The following SGTA variants were observed in gnomAD, a reference collection of about 807,000 sequenced individuals.
SGTA encodes small glutamine rich tetratricopeptide repeat co-chaperone alpha.
In SGTA, 22 loss-of-function variants were observed where a neutral mutation model predicts 44.3. That is an observed-to-expected ratio of 0.50 (90% CI 0.36 to 0.71). The LOEUF (loss-of-function observed/expected upper bound fraction) is 0.71. SGTA is among the 30% of genes least tolerant of loss of function. SGTA has a pLI of 0.00. For missense variants in SGTA, 341 were observed against 435.9 expected, an observed-to-expected ratio of 0.78 and a Z score of 1.94; for synonymous variants, 174 against 177.6, an observed-to-expected ratio of 0.98 and a Z score of 0.16.
chr19:2,767,680 A>G lies in SGTA; in HGVS notation c.107T>C (p.Ile36Thr). The G allele has an allele frequency of 1.2e-6, 2 of 1,613,224 alleles. No homozygotes were observed. Among genetic ancestry groups the G allele is most frequent in the Non-Finnish European group, 1.7e-6 (2 of 1,179,516 alleles). The change falls in exon 3 of 12, where the codon ATC (isoleucine) becomes ACC (threonine). Residue 36 changes from isoleucine (I) to threonine (T), a missense_variant. Coordinates refer to ENST00000221566, the MANE Select transcript of SGTA (RefSeq NM_003021.4). The surrounding 1 kb of genome is among the most constrained non-coding windows in gnomAD (Gnocchi z 7.3). Reference sequence around the variant, plus strand: ...CCCAAACGCAGTCTCCAGGCACTGGATGGCGACTGAAGCGGGGACAGAGGC... The same window carrying G: ...CCCAAACGCAGTCTCCAGGCACTGGGTGGCGACTGAAGCGGGGACAGAGGC... Reference protein sequence around the residue: ...SDAQESLEVAIQCLETAFGVT... With the variant: ...SDAQESLEVATQCLETAFGVT...
In SGTA at chr19:2,755,610, C is replaced by A; in HGVS notation, c.*330G>T. 1 of 985,554 alleles carries A rather than the reference C, an allele frequency of 1.0e-6. No homozygotes were observed. The highest frequency in any genetic ancestry group is 4.7e-5 in the South Asian group (1 of 21,296). The allele number at this position is 985,554 out of a possible 1,614,324, so 61.1% of individuals were successfully genotyped here. ...GCCACACGGCTGAACGTGAAACCTGCCACTTCTCTGAGAGCGGCCCGGGAG... is the reference window on the plus strand; with the variant it reads ...GCCACACGGCTGAACGTGAAACCTGACACTTCTCTGAGAGCGGCCCGGGAG... On this transcript the variant is annotated 3_prime_UTR_variant, in exon 12 of 12. Coordinates refer to ENST00000221566, the MANE Select transcript of SGTA (RefSeq NM_003021.4). This position sits in a 1 kb window ranked among gnomAD's most constrained non-coding sequence, Gnocchi z 5.2.
chr19:2,771,434 AT>A (rs1317389586), intron 1 of SGTA, among the ~76,000 whole-genome samples: 2 of 152,084 alleles, frequency 1.3e-5, no homozygotes, highest in African/African-American at 4.8e-5. Context: ...AAAAAAAAAA[AT>A]CATGATTCCT....
chr19:2,781,044 C>A (rs2144745496), intron 1 of SGTA, among the ~76,000 whole-genome samples: 1 of 152,344 alleles, frequency 6.6e-6, no homozygotes, highest in East Asian at 1.9e-4. Flanking sequence ...GATTGTGCCA[C>A]TGCACTCCAG....
chr19:2,775,614 T>G (rs1209064345), intron 1 of SGTA, among the ~76,000 whole-genome samples: 1 of 152,110 alleles, frequency 6.6e-6, no homozygotes, highest in Admixed American at 6.5e-5. Flanking sequence ...CGACTCCATT[T>G]CTATGAAATG....
chr19:2,776,166 C>T (rs2144739914), intron 1 of SGTA, among the ~76,000 whole-genome samples: 1 of 152,340 alleles, frequency 6.6e-6, no homozygotes, highest in African/African-American at 2.4e-5. Flanking sequence ...AGTCAGGTCT[C>T]CTGACCCCCA....
At position 2,757,791 on chromosome 19, in the gene SGTA, G is replaced by C. The variant is rs75548675; in HGVS notation, c.738-9C>G. 3.8e-6 allele frequency: 6 copies of C among 1,564,550 alleles called. No individual in the cohort carries two copies. In the African/African-American group the frequency reaches 6.8e-5, roughly 18 times the overall value. ...AAATCATGCCGGACATGCTGCAGGA[G>C]AGAGCGCGTGACTCGCAGCCGGGAC... is the stretch of plus-strand genomic sequence containing the variant. On this transcript the variant is annotated splice_polypyrimidine_tract_variant and intron_variant, in intron 9 of 11. Transcript: ENST00000221566.
chr19:2,762,463 G>GTCAGC, intron 7 of SGTA, 43 bp downstream of exon 7: 1 of 1,608,572 alleles, frequency 6.2e-7, no homozygotes, highest in Non-Finnish European at 8.5e-7. Context: ...CACCCACACA[G>GTCAGC]TCAGCTCGGC....
chr19:2,770,482 T>C (rs1257824970), intron 1 of SGTA: 1 of 152,354 alleles, frequency 6.6e-6, no homozygotes, highest in African/African-American at 2.4e-5. Flanking sequence ...CAGGAAGGCT[T>C]GGCCTCACTG....
chr19:2,762,204 G>C (rs115008024), intron 7 of SGTA, among the ~76,000 whole-genome samples: 3,906 of 152,132 alleles, frequency 0.026, 156 homozygotes, highest in African/African-American at 0.087. Flanking sequence ...GCTCCAACCA[G>C]CCAACCCGAA....
Position 2,757,722 on chromosome 19 carries a change from C to T in SGTA, c.798G>A (p.Ser266=), listed in dbSNP as rs375993843. 9.4e-5 allele frequency: 150 copies of T among 1,600,698 alleles called. No homozygotes were observed. The East Asian group carries it at 2.4e-3, about 26-fold the overall frequency. The change falls in exon 10 of 12, where the codon TCG becomes TCA. Residue 266 remains serine (S), a synonymous_variant. Transcript: ENST00000221566. ...GGATGAGGCTGGCCAGGTCGTTCTG[C>T]GAGGGGCTGGTGCCGGGAGTTCCCA... The part of the protein sequence containing the change: ...NPLGTPGTSP[S]QNDLASLIQA...
intron 5 of SGTA, among the ~76,000 whole-genome samples, chr19:2,764,100 C>T (rs775604854): frequency 9.2e-5 from 14 of 152,222 alleles, no homozygotes; most frequent in Non-Finnish European, 1.8e-4. Flanking sequence ...AAAAAAAGAA[C>T]TCAGACCAAT....
chr19:2,762,326 G>A (rs1257035847), intron 7 of SGTA, among the ~76,000 whole-genome samples, 180 bp downstream of exon 7: 1 of 152,122 alleles, frequency 6.6e-6, no homozygotes, highest in Non-Finnish European at 1.5e-5. Context: ...GGGGTCTGGG[G>A]GCATGAACCT....
chr19:2,765,295 G>A lies in SGTA; in HGVS notation c.293-10C>T, dbSNP rs901472114. ...TTCATCTGCTCGTTTCCTACAGGGAGAGAGGAAAACACCGGCCCGGTGTCC... is the reference window on the plus strand; with the variant it reads ...TTCATCTGCTCGTTTCCTACAGGGAAAGAGGAAAACACCGGCCCGGTGTCC... On this transcript the variant is annotated splice_polypyrimidine_tract_variant and intron_variant, in intron 4 of 11. Coordinates refer to ENST00000221566, the MANE Select transcript of SGTA (RefSeq NM_003021.4). The surrounding 1 kb of genome is among the most constrained non-coding windows in gnomAD (Gnocchi z 5.5). 1 of 1,605,586 alleles carries A rather than the reference G, an allele frequency of 6.2e-7. No homozygotes were observed. Among genetic ancestry groups the A allele is most frequent in the Non-Finnish European group, 8.5e-7 (1 of 1,172,880 alleles).
intron 1 of SGTA, among the ~76,000 whole-genome samples, chr19:2,780,317 C>T (rs549430906): frequency 6.6e-6 from 1 of 152,194 alleles, no homozygotes; most frequent in Admixed American, 6.5e-5. Context: ...AGCCGGGTGC[C>T]CTGCTCCTCA....
At chr19:2,775,814 G>A (rs1026708091) in intron 1 of SGTA, among the ~76,000 whole-genome samples, 4 of 152,180 alleles carry the variant, frequency 2.6e-5, no homozygotes, top group East Asian at 1.9e-4. Flanking sequence ...TGAATTTCAC[G>A]GTGTGGGGAT....
chr19:2,775,007 C>T lies in SGTA; in HGVS notation c.-23-5916G>A, dbSNP rs113192821. ...GCTCAGTGCCCTGGAGTGCCCAGGA[C>T]GGCTCCATCCCAGAGGATGATCCGG... On this transcript the variant is annotated intron_variant, in intron 1 of 11. Transcript: ENST00000221566. 6.2e-4 allele frequency among the ~76,000 whole-genome samples: 94 copies of T among 152,320 alleles called. 1 individual carries two copies. Among genetic ancestry groups the T allele is most frequent in the African/African-American group, 2.0e-3 (85 of 41,574 alleles).
At chr19:2,774,237 G>A (rs546157508) in intron 1 of SGTA, among the ~76,000 whole-genome samples, 1 of 152,322 alleles carries the variant, frequency 6.6e-6, no homozygotes, top group African/African-American at 2.4e-5. Context: ...CAAGCGGGTC[G>A]GCCCTGTCTC....
chr19:2,778,501 C>CT (rs893774678), intron 1 of SGTA, among the ~76,000 whole-genome samples: 2 of 152,018 alleles, frequency 1.3e-5, no homozygotes, highest in African/African-American at 4.8e-5. Context: ...AACACCGCCC[C>CT]CCCCGGCCCC....
chr19:2,762,859 G>C (rs965401669), intron 6 of SGTA, among the ~76,000 whole-genome samples: 3 of 152,170 alleles, frequency 2.0e-5, no homozygotes, highest in African/African-American at 7.2e-5. Context: ...TGCCACACAA[G>C]AACTGGAGTC....
Sources: allele counts gnomAD v4.1 joint callset (sites outside exome capture counted in the v4.1 genomes callset), GRCh38; gene constraint gnomAD v4.1.1; non-coding constraint Gnocchi (gnomAD v3.1); transcripts MANE v1.5; gene names NCBI Gene and HGNC (gene_info 2026-07-23, HGNC 2026-07-21).